B3GALT1: variants seen among roughly 807,000 people sequenced by gnomAD.
B3GALT1 encodes UDP-Gal:betaGlcNAc beta 1,3-galactosyltransferase, polypeptide 1.
B3GALT1 carries 10 observed loss-of-function variants against 23.2 expected under a neutral mutation model. The observed-to-expected ratio is 0.43, with a 90% CI of 0.27 to 0.73. The LOEUF (loss-of-function observed/expected upper bound fraction) is 0.73. Among genes scored for constraint, B3GALT1 ranks in the 30% least tolerant of loss-of-function variants. B3GALT1 has a pLI of 0.21. For missense variants in B3GALT1, 299 were observed against 405.4 expected, an observed-to-expected ratio of 0.74 and a Z score of 2.25; for synonymous variants, 156 against 141.5, an observed-to-expected ratio of 1.10 and a Z score of -0.73.
intron 1 of B3GALT1, among the ~76,000 whole-genome samples, chr2:167,334,768 G>C (rs990068228): frequency 6.6e-6 from 1 of 152,122 alleles, no homozygotes; most frequent in Non-Finnish European, 1.5e-5. Flanking sequence ...TAACAACAGA[G>C]AGTATTTTAC....
chr2:167,601,931 A>T (rs1162330137), intron 2 of B3GALT1, among the ~76,000 whole-genome samples: 2 of 152,218 alleles, frequency 1.3e-5, no homozygotes, highest in Non-Finnish European at 2.9e-5. Context: ...TAAATAGCAT[A>T]AAATGGTGAC....
chr2:167,733,117 G>T (rs1234787054), intron 3 of B3GALT1, among the ~76,000 whole-genome samples: 1 of 150,784 alleles, frequency 6.6e-6, no homozygotes, highest in African/African-American at 2.5e-5. Context: ...AGCATTGTTT[G>T]TTGGGAGCGG....
At chr2:167,736,473 A>C (rs925286400) in intron 3 of B3GALT1, among the ~76,000 whole-genome samples, 2 of 152,186 alleles carry the variant, frequency 1.3e-5, no homozygotes, top group Non-Finnish European at 1.5e-5. Flanking sequence ...AGCAGTCTTA[A>C]AATGGCAAGC....
At chr2:167,828,807 G>A (rs535452355) in intron 4 of B3GALT1, among the ~76,000 whole-genome samples, 7 of 152,262 alleles carry the variant, frequency 4.6e-5, no homozygotes, top group African/African-American at 1.7e-4. Context: ...ATTAGGAAAC[G>A]GGCCTATAGA....
intron 2 of B3GALT1, among the ~76,000 whole-genome samples, chr2:167,592,547 C>T (rs13412801): frequency 7.6e-4 from 115 of 152,304 alleles, no homozygotes; most frequent in African/African-American, 2.5e-3. Flanking sequence ...GTTTAATGCT[C>T]TTTCTATCTC....
intron 2 of B3GALT1, among the ~76,000 whole-genome samples, chr2:167,531,374 T>G (rs1683323981): frequency 6.6e-6 from 1 of 152,160 alleles, no homozygotes; most frequent in African/African-American, 2.4e-5. Flanking sequence ...TCTTTAATAA[T>G]GTAGTCTTTT....
At chr2:167,549,262 T>G (rs777725038) in intron 2 of B3GALT1, among the ~76,000 whole-genome samples, 11 of 152,204 alleles carry the variant, frequency 7.2e-5, no homozygotes, top group Non-Finnish European at 1.3e-4. Flanking sequence ...ATCCCTATTT[T>G]GCAAAGAAGG....
intron 3 of B3GALT1, among the ~76,000 whole-genome samples, chr2:167,653,935 C>A (rs1485176261): frequency 1.3e-5 from 2 of 152,112 alleles, no homozygotes; most frequent in African/African-American, 2.4e-5. Flanking sequence ...TTGAAGTTAC[C>A]TATTCACAGT....
At chr2:167,386,388 ATGAGTGAAAACACACAAAACAG>A (rs1250529823) in intron 1 of B3GALT1, among the ~76,000 whole-genome samples, 2 of 152,184 alleles carry the variant, frequency 1.3e-5, no homozygotes, top group African/African-American at 2.4e-5. Flanking sequence ...CCAATAGAAA[ATGAGTGAAAACACACAAAACAG>A]TAGTATAAAT....
intron 1 of B3GALT1, among the ~76,000 whole-genome samples, chr2:167,345,959 AT>A (rs1275530710): frequency 6.6e-6 from 1 of 151,616 alleles, no homozygotes; most frequent in Non-Finnish European, 1.5e-5. Context: ...GATTCATGGT[AT>A]TTTTTCCAGC....
At position 167,594,878 on chromosome 2, in the gene B3GALT1, C is replaced by G. The variant is rs188466335; in HGVS notation, c.-409-52031C>G. 1.2e-3 allele frequency among the ~76,000 whole-genome samples: 185 copies of G among 152,002 alleles called. 2 individuals carry two copies. Among genetic ancestry groups the G allele is most frequent in the Non-Finnish European group, 1.4e-3 (94 of 67,960 alleles). ...CCAAGATTGCGTGACTGCACTCTAGCCCAGGTGAAAGGGTGAGACTCTGTC... is the reference window on the plus strand; with the variant it reads ...CCAAGATTGCGTGACTGCACTCTAGGCCAGGTGAAAGGGTGAGACTCTGTC... On this transcript the variant is annotated intron_variant, in intron 2 of 4. Transcript: ENST00000392690.
chr2:167,528,740 A>T (rs12613660), intron 2 of B3GALT1, among the ~76,000 whole-genome samples: 57,002 of 151,982 alleles, frequency 0.38, 11,644 homozygotes, highest in East Asian at 0.81. Flanking sequence ...AGGATACAGA[A>T]AGGAAATCTT....
chr2:167,326,532 T>A (rs1421572966), intron 1 of B3GALT1, among the ~76,000 whole-genome samples: 1 of 152,076 alleles, frequency 6.6e-6, no homozygotes, highest in Non-Finnish European at 1.5e-5. Flanking sequence ...AAGAGGTTTT[T>A]CTATGGTTTT....
At chr2:167,352,157 A>T (rs567265792) in intron 1 of B3GALT1, among the ~76,000 whole-genome samples, 1 of 149,752 alleles carries the variant, frequency 6.7e-6, no homozygotes, top group African/African-American at 2.5e-5. Context: ...TTCGTAGAGA[A>T]GGGGTTTCCC....
At chr2:167,361,924 A>C (rs1347358967) in intron 1 of B3GALT1, among the ~76,000 whole-genome samples, 3 of 152,074 alleles carry the variant, frequency 2.0e-5, no homozygotes, top group Non-Finnish European at 4.4e-5. Flanking sequence ...ACATACAAAA[A>C]TTAGCTGGGC....
intron 1 of B3GALT1, among the ~76,000 whole-genome samples, chr2:167,416,526 C>T (rs1425034618): frequency 6.6e-6 from 1 of 152,240 alleles, no homozygotes; most frequent in Non-Finnish European, 1.5e-5. Context: ...AGGGCTCCAA[C>T]TAGAGCAATG....
At chr2:167,465,979 T>C (rs2105328147) in intron 1 of B3GALT1, among the ~76,000 whole-genome samples, 1 of 152,274 alleles carries the variant, frequency 6.6e-6, no homozygotes, top group Admixed American at 6.5e-5. Context: ...CTGCAGATAT[T>C]ATCTGCTGCT....
chr2:167,669,168 A>G (rs1686274680), intron 3 of B3GALT1, among the ~76,000 whole-genome samples: 1 of 152,190 alleles, frequency 6.6e-6, no homozygotes, highest in South Asian at 2.1e-4. Flanking sequence ...ATGAAGACAT[A>G]CTTTTTACTG....
intron 3 of B3GALT1, among the ~76,000 whole-genome samples, chr2:167,679,668 G>C (rs1478379397): frequency 6.6e-6 from 1 of 152,210 alleles, no homozygotes; most frequent in African/African-American, 2.4e-5. Context: ...TCAGCCTCTA[G>C]ATCTGTCTTT....
Sources: gnomAD v4.1 joint callset for allele counts (sites outside exome capture counted in the v4.1 genomes callset) on GRCh38, gnomAD v4.1.1 for gene constraint, MANE v1.5 for transcripts, NCBI Gene and HGNC (gene_info 2026-07-23, HGNC 2026-07-21) for gene names.